FOCAD: variants seen among roughly 807,000 people sequenced by gnomAD.
FOCAD encodes the protein KIAA1797.
In FOCAD, 198 loss-of-function variants were observed where a neutral mutation model predicts 225.6. That is an observed-to-expected ratio of 0.88 (90% confidence interval 0.78 to 0.99). The LOEUF (loss-of-function observed/expected upper bound fraction) is 0.99. FOCAD is among the 50% of genes least tolerant of loss of function. FOCAD has a pLI of 0.00. For synonymous variants in FOCAD, 897 were observed against 755.0 expected, an observed-to-expected ratio of 1.19 and a Z score of -3.08; for missense variants, 2,713 against 2,123.6, an observed-to-expected ratio of 1.28 and a Z score of -5.46.
At chr9:20,820,491 GT>G in intron 13 of FOCAD, 66 bp downstream of exon 13, 1 of 1,348,110 alleles carries the variant, frequency 7.4e-7, no homozygotes, top group South Asian at 1.2e-5. Flanking sequence ...AAATAATTAT[GT>G]CATATATGGC....
At chr9:20,671,475 G>A (rs1822061887) in intron 2 of FOCAD, among the ~76,000 whole-genome samples, 1 of 152,156 alleles carries the variant, frequency 6.6e-6, no homozygotes, top group Non-Finnish European at 1.5e-5. Context: ...GAGGATTTGA[G>A]CAGCCAGATT....
At chr9:20,771,819 A>C (rs1398567525) in intron 8 of FOCAD, among the ~76,000 whole-genome samples, 1 of 152,230 alleles carries the variant, frequency 6.6e-6, no homozygotes, top group Non-Finnish European at 1.5e-5. Context: ...GTCCAAGCAC[A>C]GGGTGCTGGC....
intron 12 of FOCAD, 138 bp downstream of exon 12, chr9:20,820,038 C>T (rs1355090026): frequency 7.5e-6 from 4 of 530,646 alleles, no homozygotes; most frequent in Non-Finnish European, 1.0e-5. Flanking sequence ...GAGGTAATAT[C>T]TAAAGACAAA....
chr9:20,979,624 C>A (rs886871462), intron 37 of FOCAD, among the ~76,000 whole-genome samples: 7 of 152,182 alleles, frequency 4.6e-5, no homozygotes, highest in African/African-American at 9.7e-5. Flanking sequence ...CAGGTGTGAG[C>A]CACCACGCTG....
intron 5 of FOCAD, among the ~76,000 whole-genome samples, chr9:20,748,840 A>G (rs913013739): frequency 6.6e-6 from 1 of 152,184 alleles, no homozygotes; most frequent in South Asian, 2.1e-4. Flanking sequence ...AGACTTTTAG[A>G]ATAAGCTGCA....
chr9:20,872,219 C>A (rs1205864765), intron 18 of FOCAD, among the ~76,000 whole-genome samples: 1 of 152,102 alleles, frequency 6.6e-6, no homozygotes, highest in African/African-American at 2.4e-5. Context: ...TGAAATTAGA[C>A]AATTTAAGAT....
Position 20,813,434 on chromosome 9 carries a change from G to A in FOCAD, c.1456-6362G>A, listed in dbSNP as rs144181564. On this transcript the variant is annotated intron_variant, in intron 11 of 43. Coordinates refer to ENST00000338382, the MANE Select transcript of FOCAD (RefSeq NM_001375567.1). ...ATTTTTTTTGAGGAACCTTCATGCT[G>A]TTACCCATAGTGGCCACACCTTTTT... Among the ~76,000 whole-genome samples, 20 of 152,216 alleles carry A rather than the reference G, an allele frequency of 1.3e-4. No homozygotes were observed. In the East Asian group the frequency reaches 3.9e-3, roughly 29 times the overall value.
intron 15 of FOCAD, among the ~76,000 whole-genome samples, chr9:20,842,352 G>C (rs946529271): frequency 2.0e-5 from 3 of 151,856 alleles, no homozygotes; most frequent in African/African-American, 7.2e-5. Context: ...GATGTCTGCA[G>C]CTATTATTGT....
chr9:20,881,723 A>AAGGGAT (rs527372048), intron 19 of FOCAD, 148 bp from the exon 20 acceptor site: 458 of 678,712 alleles, frequency 6.7e-4, no homozygotes, highest in Non-Finnish European at 9.5e-4. Context: ...AAGACTAAGA[A>AAGGGAT]AGGGATAGGT....
chr9:20,729,220 T>C (rs1246653048), intron 4 of FOCAD, among the ~76,000 whole-genome samples: 2 of 152,222 alleles, frequency 1.3e-5, no homozygotes, highest in African/African-American at 2.4e-5. Flanking sequence ...TCAGCAGGAC[T>C]GATTCCTTCT....
chr9:20,758,755 A>G (rs1829298293), intron 6 of FOCAD, among the ~76,000 whole-genome samples: 2 of 152,140 alleles, frequency 1.3e-5, no homozygotes, highest in South Asian at 4.1e-4. Context: ...TAGTGTTGGA[A>G]GTTCTGGCCA....
intron 5 of FOCAD, among the ~76,000 whole-genome samples, chr9:20,751,639 G>A (rs1828556691): frequency 6.9e-6 from 1 of 145,114 alleles, no homozygotes; most frequent in Non-Finnish European, 1.5e-5. Flanking sequence ...TGTCTTTATA[G>A]CAGCATGATT....
intron 5 of FOCAD, among the ~76,000 whole-genome samples, chr9:20,756,099 G>T (rs185227498): frequency 1.3e-5 from 2 of 152,258 alleles, no homozygotes; most frequent in African/African-American, 4.8e-5. Flanking sequence ...GCAAATTCTA[G>T]GTAGGTTTAA....
chr9:20,706,049 C>G (rs1002026819), intron 1 of FOCAD, among the ~76,000 whole-genome samples: 12 of 151,182 alleles, frequency 7.9e-5, no homozygotes, highest in Non-Finnish European at 1.8e-4. Context: ...ATCTTCCCAC[C>G]TCAGCCTCCC....
intron 21 of FOCAD, among the ~76,000 whole-genome samples, chr9:20,901,884 A>G (rs560691431): frequency 1.4e-5 from 2 of 138,000 alleles, no homozygotes; most frequent in East Asian, 4.4e-4. Flanking sequence ...TTTCCTGGCT[A>G]GAACATTTTA....
In FOCAD at chr9:20,765,023, C is replaced by A. The variant is rs778319307; in HGVS notation, c.649C>A (p.Leu217Met). Residue 217 changes from leucine (L) to methionine (M), a missense_variant, in exon 7 of 44, where the codon CTG becomes ATG. Coordinates refer to ENST00000338382, the MANE Select transcript of FOCAD (RefSeq NM_001375567.1). ...VLCDKDQPSI[L>M]EQQILQLCCD... ...TTGTGACAAAGATCAACCATCAATA[C>A]TGGAACAGCAGATACTTCAACTGTG... 76 of 1,613,994 alleles carry A rather than the reference C, an allele frequency of 4.7e-5. No individual in the cohort carries two copies. Among genetic ancestry groups the A allele is most frequent in the Non-Finnish European group, 6.2e-5 (73 of 1,180,028 alleles).
Position 20,722,476 on chromosome 9 carries a change from C to T in FOCAD, c.287+1942C>T, listed in dbSNP as rs188084242. Among the ~76,000 whole-genome samples the T allele has an allele frequency of 1.9e-3, 292 of 152,344 alleles. 1 individual carries two copies. The highest frequency in any genetic ancestry group is 6.3e-3 in the African/African-American group (262 of 41,582). On this transcript the variant is annotated intron_variant, in intron 4 of 43. Transcript: ENST00000338382. Reference sequence around the variant, plus strand: ...CCAGACACTTCCCACTTCTCTGCTGCGCTAATTGTTGTTTCACAGTATGTG... The same window carrying T: ...CCAGACACTTCCCACTTCTCTGCTGTGCTAATTGTTGTTTCACAGTATGTG...
At chr9:20,966,462 T>C (rs1295390723) in intron 35 of FOCAD, among the ~76,000 whole-genome samples, 1 of 152,168 alleles carries the variant, frequency 6.6e-6, no homozygotes, top group Non-Finnish European at 1.5e-5. Flanking sequence ...TCTGCCATTC[T>C]ATAGATTGTC....
At chr9:20,865,674 G>T (rs539124000) in intron 16 of FOCAD, among the ~76,000 whole-genome samples, 2 of 152,206 alleles carry the variant, frequency 1.3e-5, no homozygotes, top group South Asian at 4.1e-4. Context: ...GGGACTAAGA[G>T]TAAGAAATGG....
Sources: gnomAD v4.1 joint callset for allele counts (sites outside exome capture counted in the v4.1 genomes callset) on GRCh38, gnomAD v4.1.1 for gene constraint, MANE v1.5 for transcripts, NCBI Gene and HGNC (gene_info 2026-07-23, HGNC 2026-07-21) for gene names.